Variants in SCMH1 observed in about 807,000 individuals in gnomAD.
The protein encoded by SCMH1 is polycomb protein SCMH1.
SCMH1 carries 37 observed loss-of-function variants against 70.8 expected under a neutral mutation model. That is an observed-to-expected ratio of 0.52 (90% CI 0.40 to 0.69). SCMH1 has a LOEUF of 0.69. Ranked by LOEUF, SCMH1 falls within the 30% of genes least tolerant of loss-of-function variation. The pLI, the probability that SCMH1 is intolerant of heterozygous loss-of-function variation, is 0.00. For synonymous variants in SCMH1, 292 were observed against 307.4 expected, an observed-to-expected ratio of 0.95 and a Z score of 0.52; for missense variants, 607 against 827.3, an observed-to-expected ratio of 0.73 and a Z score of 3.27.
At chr1:41,161,005 C>T in intron 3 of SCMH1, 107 bp from the exon 4 acceptor site, 1 of 1,126,370 alleles carries the variant, frequency 8.9e-7, no homozygotes, top group Admixed American at 2.1e-5. Flanking sequence ...TTGTCTAGTT[C>T]AGTTATCTCA....
At chr1:41,156,566 G>A (rs1645567731) in intron 4 of SCMH1, among the ~76,000 whole-genome samples, 1 of 152,074 alleles carries the variant, frequency 6.6e-6, no homozygotes, top group South Asian at 2.1e-4. Context: ...AGCCTCCCTA[G>A]TAGCTGGGAC....
chr1:41,067,458 CAAAAAAA>C (rs60607308), intron 10 of SCMH1, among the ~76,000 whole-genome samples: 5 of 60,302 alleles, frequency 8.3e-5, no homozygotes, highest in South Asian at 1.0e-3. Flanking sequence ...ACAACAACAA[CAAAAAAA>C]AAAAAAAAAA....
At chr1:41,212,202 T>C (rs368849671) in intron 1 of SCMH1, among the ~76,000 whole-genome samples, 13 of 152,158 alleles carry the variant, frequency 8.5e-5, no homozygotes, top group African/African-American at 3.1e-4. Context: ...CACTTTAGTA[T>C]TTGTAAGTCA....
chr1:41,210,000 CA>C (rs774499109), intron 1 of SCMH1, among the ~76,000 whole-genome samples: 1 of 152,212 alleles, frequency 6.6e-6, no homozygotes, highest in African/African-American at 2.4e-5. Flanking sequence ...AGTTGATAAG[CA>C]ACTTCAGCAA....
At chr1:41,174,373 T>C (rs920839723) in intron 2 of SCMH1, among the ~76,000 whole-genome samples, 6 of 151,986 alleles carry the variant, frequency 3.9e-5, no homozygotes, top group Non-Finnish European at 7.4e-5. Flanking sequence ...GTGATTCATC[T>C]GGACTATCAA....
chr1:41,063,007 G>A (rs1338384492), intron 10 of SCMH1, among the ~76,000 whole-genome samples: 2 of 151,902 alleles, frequency 1.3e-5, no homozygotes, highest in Non-Finnish European at 2.9e-5. Flanking sequence ...TGTTTAAAGG[G>A]TGACTTATAG....
At chr1:41,161,543 T>G in intron 2 of SCMH1, 111 bp from the exon 3 acceptor site, 1 of 1,222,248 alleles carries the variant, frequency 8.2e-7, no homozygotes, top group Non-Finnish European at 1.1e-6. Flanking sequence ...ACTTCCGAGA[T>G]TCTATGCTAA....
chr1:41,098,801 T>C (rs2149080601), intron 8 of SCMH1: 1 of 117,054 alleles, frequency 8.5e-6, no homozygotes, highest in East Asian at 2.9e-4. Flanking sequence ...CAAATGTACA[T>C]GTCACCAACC....
intron 1 of SCMH1, among the ~76,000 whole-genome samples, chr1:41,204,990 G>T (rs1655177290): frequency 6.6e-6 from 1 of 152,146 alleles, no homozygotes; most frequent in Non-Finnish European, 1.5e-5. Context: ...ATACTTGGAT[G>T]GCTTATAATT....
chr1:41,071,661 T>G (rs1656554880), intron 9 of SCMH1, among the ~76,000 whole-genome samples: 2 of 120,780 alleles, frequency 1.7e-5, no homozygotes, highest in African/African-American at 8.3e-5. Flanking sequence ...AGAAATAGTT[T>G]CCTAAAAGCC....
At chr1:41,133,102 G>T (rs1402134466) in intron 6 of SCMH1, among the ~76,000 whole-genome samples, 1 of 152,128 alleles carries the variant, frequency 6.6e-6, no homozygotes, top group Non-Finnish European at 1.5e-5. Flanking sequence ...GCTTGATGGG[G>T]ATAGCACTGA....
intron 8 of SCMH1, chr1:41,098,721 A>G (rs888227164): frequency 6.2e-6 from 1 of 160,448 alleles, no homozygotes. Context: ...AAAAGACAGT[A>G]CTGAAAAGTG....
chr1:41,147,415 T>C (rs1237708689), intron 5 of SCMH1, among the ~76,000 whole-genome samples: 1 of 152,192 alleles, frequency 6.6e-6, no homozygotes, highest in African/African-American at 2.4e-5. Flanking sequence ...AGTTTAGGAT[T>C]TAGAAAGTTC....
chr1:41,044,854 C>G (rs1482326855), intron 12 of SCMH1, among the ~76,000 whole-genome samples: 1 of 152,146 alleles, frequency 6.6e-6, no homozygotes, highest in African/African-American at 2.4e-5. Flanking sequence ...ACTTTTGGGA[C>G]TGCAGGCCCA....
intron 9 of SCMH1, 87 bp downstream of exon 9, chr1:41,075,131 TG>T: frequency 1.5e-6 from 2 of 1,293,916 alleles, no homozygotes; most frequent in Non-Finnish European, 2.2e-6. Context: ...CATTAAGTGC[TG>T]GGATTACAGG....
intron 7 of SCMH1, among the ~76,000 whole-genome samples, chr1:41,114,781 ATCC>A (rs1670047433): frequency 6.6e-6 from 1 of 151,888 alleles, no homozygotes; most frequent in Admixed American, 6.6e-5. Context: ...GGGTCAAGTG[ATCC>A]TCCTACCTCA....
intron 8 of SCMH1, among the ~76,000 whole-genome samples, chr1:41,104,010 C>A (rs1029130857): frequency 1.3e-5 from 2 of 152,170 alleles, no homozygotes; most frequent in South Asian, 4.1e-4. Context: ...GAAGCCTCAT[C>A]TCATATTTAT....
chr1:41,042,891 C>G (rs931259802), intron 12 of SCMH1, among the ~76,000 whole-genome samples: 6 of 151,770 alleles, frequency 4.0e-5, no homozygotes, highest in Non-Finnish European at 1.5e-5. Flanking sequence ...TTCAAAATGC[C>G]AATGTCACGT....
At chr1:41,065,693 G>A (rs944006046) in intron 10 of SCMH1, among the ~76,000 whole-genome samples, 1 of 152,072 alleles carries the variant, frequency 6.6e-6, no homozygotes, top group Non-Finnish European at 1.5e-5. Flanking sequence ...TGACAAAGGA[G>A]TAAAGGCAAT....
Sources: gnomAD v4.1 joint callset for allele counts (sites outside exome capture counted in the v4.1 genomes callset) on GRCh38, gnomAD v4.1.1 for gene constraint, MANE v1.5 for transcripts, NCBI Gene and HGNC (gene_info 2026-07-23, HGNC 2026-07-21) for gene names.